COA1: variants seen among roughly 807,000 people sequenced by gnomAD.
COA1 encodes the protein cytochrome c oxidase assembly factor 1.
A neutral mutation model predicts 16.0 loss-of-function variants in COA1; 13 were observed. That is an observed-to-expected ratio of 0.81 (90% CI 0.53 to 1.29). The LOEUF (loss-of-function observed/expected upper bound fraction) is 1.29, where lower values mean the gene tolerates loss of function less well. Ranked by LOEUF, COA1 falls within the 50% of genes most tolerant of loss-of-function variation. The probability of loss-of-function intolerance (pLI) is 0.00; values close to 1 mark genes in which losing one functional copy is unlikely to be tolerated. For missense variants in COA1, 179 were observed against 177.0 expected (o/e 1.01, Z -0.06); for synonymous variants, 65 against 65.7 (o/e 0.99, Z 0.05).
At chr7:43,632,492 T>C (rs530528627) in intron 6 of COA1, 1 of 152,340 alleles carries the variant, frequency 6.6e-6, no homozygotes, top group South Asian at 2.1e-4. Context: ...GAATGGTGAA[T>C]CCTTTCCAGA....
Position 43,691,368 on chromosome 7 carries a change from G to GAA in COA1, c.-39+38060_-39+38061insTT, listed in dbSNP as rs1336569816. Among the ~76,000 whole-genome samples, 75 of 46,690 alleles carry GAA rather than the reference G, an allele frequency of 1.6e-3. 1 individual carries two copies. Among genetic ancestry groups the GAA allele is most frequent in the Non-Finnish European group, 2.1e-3 (49 of 23,154 alleles). The allele number at this position is 46,690 out of a possible 152,430, so 30.6% of individuals were successfully genotyped here. On this transcript the variant is annotated intron_variant, in intron 1 of 5. Transcript: ENST00000223336. ...GGGAGGGAGGGAGGGAGGGAGGGAG[G>GAA]GAGGGAGGGAGGAAGGAAGGAAGGA...
rs2084125159 is a variant in COA1, at chr7:43,623,374, G to A, written c.*134-13879C>T. Reference sequence around the variant, plus strand: ...AGGGACTCAACAATGGTGGGTAGAAGTGTGAAAAGTAAACAAGTTAATTAC... The same window carrying A: ...AGGGACTCAACAATGGTGGGTAGAAATGTGAAAAGTAAACAAGTTAATTAC... On this transcript the variant is annotated intron_variant and NMD_transcript_variant, in intron 6 of 6. Transcript: ENST00000415076. The A allele has an allele frequency of 7.2e-6, 4 of 554,442 alleles. No homozygotes were observed. The East Asian group carries it at 1.3e-4, about 17-fold the overall frequency. The allele number at this position is 554,442 out of a possible 1,614,324, so 34.3% of individuals were successfully genotyped here.
chr7:43,638,565 CCTTTTTTTTT>C (rs2086305229), downstream of COA1, among the ~76,000 whole-genome samples: 2 of 125,248 alleles, frequency 1.6e-5, no homozygotes, highest in South Asian at 2.6e-4. Flanking sequence ...CTTTTTCTTT[CCTTTTTTTTT>C]TTTTTTTTTT....
At chr7:43,629,543 T>C (rs1334847138) in intron 6 of COA1, among the ~76,000 whole-genome samples, 2 of 152,240 alleles carry the variant, frequency 1.3e-5, no homozygotes, top group African/African-American at 4.8e-5. Flanking sequence ...AGTCTTCATA[T>C]TTCAGCTTTT....
intron 6 of COA1, chr7:43,622,602 C>T (rs182192083): frequency 6.6e-6 from 1 of 151,664 alleles, no homozygotes. Context: ...TTTTAAGGAG[C>T]ATTTTTATAA....
chr7:43,700,514 A>G (rs2094686690), intron 1 of COA1, among the ~76,000 whole-genome samples: 1 of 148,820 alleles, frequency 6.7e-6, no homozygotes. Flanking sequence ...ATCAGCTTTT[A>G]TAAAAATGTA....
At chr7:43,663,154 T>A (rs1231439930) in intron 1 of COA1, among the ~76,000 whole-genome samples, 1 of 152,174 alleles carries the variant, frequency 6.6e-6, no homozygotes, top group Non-Finnish European at 1.5e-5. Context: ...ATGTGGCACC[T>A]CCTCCAGCTC....
chr7:43,677,100 C>A (rs1002055215), intron 1 of COA1, among the ~76,000 whole-genome samples: 1 of 152,130 alleles, frequency 6.6e-6, no homozygotes, highest in Non-Finnish European at 1.5e-5. Flanking sequence ...CTTAAGAATT[C>A]TTTGCTTTCT....
At chr7:43,641,812 A>G (rs964712971) in intron 4 of COA1, 20 of 151,992 alleles carry the variant, frequency 1.3e-4, no homozygotes, top group African/African-American at 3.9e-4. Context: ...TCCGATTGAG[A>G]AAAAAAACAG....
chr7:43,683,888 C>T (rs891173486), intron 1 of COA1, among the ~76,000 whole-genome samples: 2 of 152,120 alleles, frequency 1.3e-5, no homozygotes, highest in Non-Finnish European at 2.9e-5. Flanking sequence ...TTATCATACG[C>T]ATGAATTCTG....
chr7:43,647,662 G>A (rs2089774027), intron 2 of COA1, 28 bp from the exon 3 acceptor site: 1 of 1,558,440 alleles, frequency 6.4e-7, no homozygotes, highest in Non-Finnish European at 8.8e-7. Context: ...CAAATTTATT[G>A]TAGGATTCCC....
At chr7:43,695,142 T>C (rs1398861521) in intron 1 of COA1, among the ~76,000 whole-genome samples, 3 of 152,168 alleles carry the variant, frequency 2.0e-5, no homozygotes, top group African/African-American at 7.2e-5. Context: ...CTGACAAACC[T>C]CCTGCTTCCT....
At chr7:43,635,362 G>A (rs1174041441), downstream of COA1, among the ~76,000 whole-genome samples, 1 of 152,100 alleles carries the variant, frequency 6.6e-6, no homozygotes, top group Non-Finnish European at 1.5e-5. Context: ...GTTAAGCTGG[G>A]GTAACAAATA....
At chr7:43,658,461 C>T (rs746663325) in intron 1 of COA1, among the ~76,000 whole-genome samples, 1 of 152,088 alleles carries the variant, frequency 6.6e-6, no homozygotes, top group Non-Finnish European at 1.5e-5. Flanking sequence ...ACATAAACAC[C>T]TGATAAAACA....
intron 1 of COA1, among the ~76,000 whole-genome samples, chr7:43,728,264 G>A (rs2095660666): frequency 6.6e-6 from 1 of 152,152 alleles, no homozygotes; most frequent in Non-Finnish European, 1.5e-5. Context: ...GTGAGGCACC[G>A]CTACGTTTTA....
chr7:43,624,038 T>C, intron 6 of COA1: 1 of 557,622 alleles, frequency 1.8e-6, no homozygotes, highest in South Asian at 5.3e-5. Flanking sequence ...AATGTTGACA[T>C]AAATCTAGGT....
intron 1 of COA1, among the ~76,000 whole-genome samples, chr7:43,684,137 AGAG>A (rs2093904686): frequency 6.6e-6 from 1 of 152,094 alleles, no homozygotes; most frequent in South Asian, 2.1e-4. Flanking sequence ...TTTTTTCCAC[AGAG>A]GAGGCAGGGG....
chr7:43,705,783 T>TG (rs2094947376), intron 1 of COA1, among the ~76,000 whole-genome samples: 1 of 152,226 alleles, frequency 6.6e-6, no homozygotes, highest in Admixed American at 6.5e-5. Flanking sequence ...ATGAGAATCA[T>TG]GGGGTCTCCC....
intron 1 of COA1, among the ~76,000 whole-genome samples, chr7:43,675,537 A>G (rs926967318): frequency 1.2e-4 from 19 of 152,170 alleles, no homozygotes; most frequent in African/African-American, 3.9e-4. Context: ...CCAACATGGC[A>G]CATGTATACA....
Sources: gnomAD v4.1 joint callset for allele counts (sites outside exome capture counted in the v4.1 genomes callset) on GRCh38, gnomAD v4.1.1 for gene constraint, MANE v1.5 for transcripts, NCBI Gene and HGNC (gene_info 2026-07-23, HGNC 2026-07-21) for gene names.